Variants in C3orf49 observed in about 807,000 individuals in gnomAD.
The protein encoded by C3orf49 is chromosome 3 open reading frame 49, also known as putative uncharacterized protein C3orf49.
C3orf49 carries 27 observed loss-of-function variants against 13.3 expected under a neutral mutation model. That is an observed-to-expected ratio of 2.02 (90% CI 1.49 to 2.79). The LOEUF (loss-of-function observed/expected upper bound fraction) is 2.79, where lower values mean the gene tolerates loss of function less well. C3orf49 is among the 30% of genes most tolerant of loss of function. C3orf49 has a pLI of 0.00. For synonymous variants in C3orf49, 87 were observed against 47.6 expected, an observed-to-expected ratio of 1.83 and a Z score of -3.40; for missense variants, 242 against 134.2, an observed-to-expected ratio of 1.80 and a Z score of -3.97.
At chr3:63,847,870 C>A (rs559744602) in intron 6 of C3orf49, among the ~76,000 whole-genome samples, 18 of 152,202 alleles carry the variant, frequency 1.2e-4, no homozygotes, top group Admixed American at 1.0e-3. Context: ...GAATGGACAC[C>A]CATTCAATAG....
At chr3:63,805,839 C>G in the C3orf49 span, among the ~76,000 whole-genome samples, 1 of 152,170 alleles carries the variant, frequency 6.6e-6, no homozygotes, top group Non-Finnish European at 1.5e-5. Context: ...AAAAATTGTC[C>G]AGAACAAAGG....
chr3:63,827,993 G>C (rs1701487149), intron 3 of C3orf49, among the ~76,000 whole-genome samples: 1 of 152,198 alleles, frequency 6.6e-6, no homozygotes, highest in South Asian at 2.1e-4. Flanking sequence ...TCAAATGTTA[G>C]TATATTAGCA....
intron 5 of C3orf49, among the ~76,000 whole-genome samples, chr3:63,843,508 T>C (rs1701814138): frequency 6.6e-6 from 1 of 152,212 alleles, no homozygotes; most frequent in Admixed American, 6.5e-5. Flanking sequence ...AAAATCAGTA[T>C]GTCAAAGAGG....
chr3:63,780,245 G>GT, the C3orf49 span, among the ~76,000 whole-genome samples: 2 of 152,064 alleles, frequency 1.3e-5, no homozygotes, highest in Non-Finnish European at 2.9e-5. Context: ...GCGCTGTTTG[G>GT]TTTTTTGTCC....
chr3:63,780,759 A>T, the C3orf49 span, among the ~76,000 whole-genome samples: 1 of 152,110 alleles, frequency 6.6e-6, no homozygotes, highest in African/African-American at 2.4e-5. Context: ...GCATTTTTTC[A>T]TGTGTCTTTT....
chr3:63,837,884 G>T, intron 5 of C3orf49: 1 of 1,111,244 alleles, frequency 9.0e-7, no homozygotes. Flanking sequence ...GGTTGATTCA[G>T]GCTGCAGATT....
chr3:63,848,103 G>C (rs1300475089), intron 6 of C3orf49, among the ~76,000 whole-genome samples: 1 of 152,142 alleles, frequency 6.6e-6, no homozygotes, highest in Non-Finnish European at 1.5e-5. Context: ...ATTTTACTCT[G>C]AAATATATTT....
intron 5 of C3orf49, among the ~76,000 whole-genome samples, chr3:63,834,529 A>G (rs1290382719): frequency 6.6e-6 from 1 of 151,966 alleles, no homozygotes; most frequent in African/African-American, 2.4e-5. Context: ...GTGTGGTGGC[A>G]TGCACCTGTA....
rs745942289 is a variant in C3orf49 at position 63,831,790 on chromosome 3, T to TAAAC, written c.797_800dup (p.Phe268ThrfsTer14). On this transcript the variant is annotated frameshift_variant, in exon 5 of 7. Coordinates refer to ENST00000295896, the MANE Select transcript of C3orf49 (RefSeq NM_001355236.2). LOFTEE classifies it high-confidence loss of function. Reference sequence around the variant, plus strand: ...TGGGGGATGAAATTCTTCAGTCTTCTAAACAGTTCCAGAGGATATCCAAGA... The same window carrying TAAAC: ...TGGGGGATGAAATTCTTCAGTCTTCTAAACAAACAGTTCCAGAGGATATCCAAGA... The TAAAC allele has an allele frequency of 8.5e-6, 6 of 703,002 alleles. No homozygotes were observed. In the South Asian group the frequency reaches 8.9e-5, roughly 10 times the overall value. The allele number at this position is 703,002 out of a possible 1,614,324, so 43.5% of individuals were successfully genotyped here. A position where few individuals can be genotyped will look rare whatever the true frequency, so the allele number is the denominator to read the frequency against.
the C3orf49 span, among the ~76,000 whole-genome samples, chr3:63,797,404 A>C: frequency 6.6e-6 from 1 of 152,150 alleles, no homozygotes. Context: ...TTATTTCACC[A>C]TGATTCTCTT....
At chr3:63,848,010 C>T (rs1701936919) in intron 6 of C3orf49, among the ~76,000 whole-genome samples, 1 of 152,166 alleles carries the variant, frequency 6.6e-6, no homozygotes, top group South Asian at 2.1e-4. Flanking sequence ...AACATTAAAA[C>T]AGAGATCTTA....
chr3:63,840,917 A>G (rs770070554), intron 5 of C3orf49, among the ~76,000 whole-genome samples: 7 of 152,258 alleles, frequency 4.6e-5, no homozygotes, highest in African/African-American at 9.6e-5. Flanking sequence ...TTCTGACCCC[A>G]TAATTCCAAT....
At chr3:63,806,003 T>A in the C3orf49 span, among the ~76,000 whole-genome samples, 1 of 152,100 alleles carries the variant, frequency 6.6e-6, no homozygotes, top group Non-Finnish European at 1.5e-5. Flanking sequence ...CCCGCCCCCA[T>A]TTCCTCCATA....
At chr3:63,802,943 C>T in the C3orf49 span, among the ~76,000 whole-genome samples, 661 of 152,196 alleles carry the variant, frequency 4.3e-3, 7 homozygotes, top group Non-Finnish European at 7.8e-3. Context: ...CTACTGAACA[C>T]TCTTTGCCAT....
chr3:63,782,280 T>A, the C3orf49 span, among the ~76,000 whole-genome samples: 1 of 152,216 alleles, frequency 6.6e-6, no homozygotes, highest in African/African-American at 2.4e-5. Flanking sequence ...TTTTAAAAAA[T>A]CTTACATCTT....
intron 5 of C3orf49, among the ~76,000 whole-genome samples, chr3:63,843,421 A>G (rs1701811686): frequency 6.6e-6 from 1 of 152,152 alleles, no homozygotes; most frequent in African/African-American, 2.4e-5. Context: ...CCAGGCCTCA[A>G]TAATTCTTTT....
Position 63,839,803 on chromosome 3 carries a change from T to G in C3orf49, c.850-5220T>G, listed in dbSNP as rs139991001. On this transcript the variant is annotated intron_variant, in intron 5 of 6. Transcript: ENST00000295896. ...AGGAAAGAAGGGCAATGTTACCATC[T>G]GGCTCTTGGTAACTTTCAAGTACAA... 1.9e-6 allele frequency: 3 copies of G among 1,575,868 alleles called. No individual in the cohort carries two copies. In the South Asian group the frequency reaches 3.3e-5, roughly 17 times the overall value.
At chr3:63,804,234 G>C in the C3orf49 span, among the ~76,000 whole-genome samples, 2 of 152,090 alleles carry the variant, frequency 1.3e-5, no homozygotes, top group Non-Finnish European at 2.9e-5. Context: ...TGGGGGTTGG[G>C]GACCCCTTTC....
intron 5 of C3orf49, among the ~76,000 whole-genome samples, chr3:63,837,523 C>T (rs1701659770): frequency 6.6e-6 from 1 of 151,940 alleles, no homozygotes; most frequent in Non-Finnish European, 1.5e-5. Context: ...GAAATGTTTG[C>T]TTGCTTTGTA....
Sources: gnomAD v4.1 joint callset for allele counts (sites outside exome capture counted in the v4.1 genomes callset) on GRCh38, gnomAD v4.1.1 for gene constraint, MANE v1.5 for transcripts, NCBI Gene and HGNC (gene_info 2026-07-23, HGNC 2026-07-21) for gene names.